The following KAZN variants were observed in gnomAD, a reference collection of about 807,000 sequenced individuals.
KAZN encodes kazrin.
Under a neutral mutation model 87.4 loss-of-function variants are expected in KAZN, and 40 were observed. That is an observed-to-expected ratio of 0.46 (90% confidence interval 0.36 to 0.60). The LOEUF (loss-of-function observed/expected upper bound fraction) is 0.60, where lower values mean the gene tolerates loss of function less well. Ranked by LOEUF, KAZN falls within the 20% of genes least tolerant of loss-of-function variation. The pLI, the probability that KAZN is intolerant of heterozygous loss-of-function variation, is 0.00. For missense variants in KAZN, 898 were observed against 1,073.9 expected, an observed-to-expected ratio of 0.84 and a Z score of 2.29; for synonymous variants, 466 against 458.3, an observed-to-expected ratio of 1.02 and a Z score of -0.22.
At position 14,385,067 on chromosome 1, in the gene KAZN, T is replaced by A. The variant is rs1180945171; in HGVS notation, c.249+204475T>A. Among the ~76,000 whole-genome samples, 415 of 151,830 alleles carry A rather than the reference T, an allele frequency of 2.7e-3. 1 individual carries two copies. Among genetic ancestry groups the A allele is most frequent in the African/African-American group, 9.1e-3 (376 of 41,406 alleles). On this transcript the variant is annotated intron_variant, in intron 2 of 16. Transcript: ENST00000636203. ...TGGGAGAGTGTATGTGTCGAGGAAT[T>A]TATCCATTTCTTCTAGATTTTCTAG...
intron 1 of KAZN, among the ~76,000 whole-genome samples, chr1:14,612,184 A>C (rs1212880418): frequency 2.0e-5 from 3 of 152,204 alleles, no homozygotes; most frequent in Admixed American, 1.3e-4. Context: ...AGGAGCAAAA[A>C]TGAGAAGTTA....
chr1:14,507,128 G>A (rs1251428106), intron 2 of KAZN, among the ~76,000 whole-genome samples: 3 of 152,290 alleles, frequency 2.0e-5, no homozygotes, highest in South Asian at 4.2e-4. Context: ...GAAAGAGATC[G>A]ATAAAGCCCC....
intron 1 of KAZN, among the ~76,000 whole-genome samples, chr1:13,943,580 A>C (rs1641021466): frequency 6.6e-6 from 1 of 152,166 alleles, no homozygotes; most frequent in African/African-American, 2.4e-5. Flanking sequence ...TAAAATACTA[A>C]AAGAAATCTA....
At chr1:14,137,084 C>G (rs966369536) in intron 1 of KAZN, among the ~76,000 whole-genome samples, 14 of 152,158 alleles carry the variant, frequency 9.2e-5, no homozygotes, top group African/African-American at 3.1e-4. Context: ...GTTTTCCCAA[C>G]AAGTGAGGAA....
At chr1:14,084,376 T>C (rs760434946) in intron 1 of KAZN, among the ~76,000 whole-genome samples, 1 of 152,158 alleles carries the variant, frequency 6.6e-6, no homozygotes, top group Non-Finnish European at 1.5e-5. Context: ...GTTGGATTTA[T>C]GGGTCTCAGA....
At chr1:14,026,790 G>A (rs1198058759) in intron 1 of KAZN, among the ~76,000 whole-genome samples, 1 of 152,198 alleles carries the variant, frequency 6.6e-6, no homozygotes, top group Non-Finnish European at 1.5e-5. Context: ...CTCTCAGGAA[G>A]CTCACAGTCC....
At chr1:15,051,478 T>C (rs745657988) in intron 4 of KAZN, among the ~76,000 whole-genome samples, 29 of 152,238 alleles carry the variant, frequency 1.9e-4, no homozygotes, top group Non-Finnish European at 2.9e-4. Flanking sequence ...GACCGGATCC[T>C]TGACCCTGGT....
chr1:14,451,181 A>T (rs1667251427), intron 2 of KAZN, among the ~76,000 whole-genome samples: 1 of 152,108 alleles, frequency 6.6e-6, no homozygotes, highest in Non-Finnish European at 1.5e-5. Flanking sequence ...ACCTAGTCTC[A>T]GGCCTTTCTT....
intron 1 of KAZN, among the ~76,000 whole-genome samples, chr1:14,704,142 G>A (rs1030457087): frequency 2.6e-5 from 4 of 152,172 alleles, no homozygotes; most frequent in African/African-American, 9.6e-5. Flanking sequence ...GGATGGAGTG[G>A]AAATAGTAAG....
intron 1 of KAZN, among the ~76,000 whole-genome samples, chr1:14,165,504 C>T (rs1283429152): frequency 6.6e-6 from 1 of 152,174 alleles, no homozygotes; most frequent in Non-Finnish European, 1.5e-5. Flanking sequence ...TTCTCATTTG[C>T]ATGCAGATTG....
intron 1 of KAZN, among the ~76,000 whole-genome samples, chr1:14,084,938 A>T (rs901744518): frequency 6.6e-6 from 1 of 152,104 alleles, no homozygotes; most frequent in African/African-American, 2.4e-5. Flanking sequence ...GTGTACATTC[A>T]TGTATGTGTA....
intron 1 of KAZN, among the ~76,000 whole-genome samples, chr1:14,054,143 T>A (rs1642452542): frequency 6.6e-6 from 1 of 152,038 alleles, no homozygotes; most frequent in African/African-American, 2.4e-5. Context: ...CTCCAAGAAA[T>A]TTTCCAATAT....
rs142389047 is a variant in KAZN at position 14,823,283 on chromosome 1, T to C, written c.227-137401T>C. Reference sequence around the variant, plus strand: ...GAACCGAGACGTCCCCGTGAAGTCATGCAGGACAAACACGCGGCTTAGGGG... The same window carrying C: ...GAACCGAGACGTCCCCGTGAAGTCACGCAGGACAAACACGCGGCTTAGGGG... On this transcript the variant is annotated intron_variant, in intron 1 of 14. Coordinates refer to ENST00000376030, the MANE Select transcript of KAZN (RefSeq NM_201628.3). 2.6e-3 allele frequency among the ~76,000 whole-genome samples: 394 copies of C among 151,980 alleles called. 1 individual carries two copies. The highest frequency in any genetic ancestry group is 8.4e-3 in the African/African-American group (350 of 41,468).
intron 1 of KAZN, among the ~76,000 whole-genome samples, chr1:14,899,627 G>T (rs1655638981): frequency 6.6e-6 from 1 of 152,136 alleles, no homozygotes; most frequent in East Asian, 1.9e-4. Flanking sequence ...CAGTATTCTA[G>T]CCAAGATCAT....
intron 1 of KAZN, among the ~76,000 whole-genome samples, chr1:13,899,255 A>G (rs1212628002): frequency 6.6e-6 from 1 of 152,192 alleles, no homozygotes; most frequent in African/African-American, 2.4e-5. Flanking sequence ...TTCTTTACAT[A>G]TTACCTTGTT....
At chr1:13,942,439 C>T (rs1640967273) in intron 1 of KAZN, among the ~76,000 whole-genome samples, 2 of 144,880 alleles carry the variant, frequency 1.4e-5, no homozygotes, top group Admixed American at 1.4e-4. Flanking sequence ...ACTCGGGAGG[C>T]TGAGGCAGGA....
At chr1:14,445,038 T>C (rs1224464096) in intron 2 of KAZN, among the ~76,000 whole-genome samples, 1 of 152,016 alleles carries the variant, frequency 6.6e-6, no homozygotes, top group Non-Finnish European at 1.5e-5. Flanking sequence ...TGCTTTTTTT[T>C]TTTTTGAGAC....
intron 2 of KAZN, among the ~76,000 whole-genome samples, chr1:14,399,278 G>C (rs1663177515): frequency 6.6e-6 from 1 of 152,024 alleles, no homozygotes; most frequent in Non-Finnish European, 1.5e-5. Flanking sequence ...CAGCCTCCCA[G>C]AATGCTGGGA....
At chr1:14,534,161 C>T (rs4494128) in intron 2 of KAZN, among the ~76,000 whole-genome samples, 2 of 152,178 alleles carry the variant, frequency 1.3e-5, no homozygotes, top group Non-Finnish European at 2.9e-5. Context: ...GCAGCAGACA[C>T]TAAGGATTCA....
Sources: gnomAD v4.1 joint callset for allele counts (sites outside exome capture counted in the v4.1 genomes callset) on GRCh38, gnomAD v4.1.1 for gene constraint, MANE v1.5 for transcripts, NCBI Gene and HGNC (gene_info 2026-07-23, HGNC 2026-07-21) for gene names.